The following SUGCT variants were observed in gnomAD, a reference collection of about 807,000 sequenced individuals.
SUGCT encodes succinyl-CoA:glutarate CoA-transferase.
Under a neutral mutation model 55.0 loss-of-function variants are expected in SUGCT, and 41 were observed. That is an observed-to-expected ratio of 0.74 (90% CI 0.58 to 0.97). The LOEUF (loss-of-function observed/expected upper bound fraction) is 0.97, where lower values mean the gene tolerates loss of function less well. SUGCT is among the 50% of genes least tolerant of loss of function. SUGCT has a pLI of 0.00. For missense variants in SUGCT, 568 were observed against 547.8 expected, an observed-to-expected ratio of 1.04 and a Z score of -0.37; for synonymous variants, 187 against 200.4, an observed-to-expected ratio of 0.93 and a Z score of 0.56.
chr7:40,181,473 C>T (rs1020940063), intron 2 of SUGCT, among the ~76,000 whole-genome samples: 10 of 152,160 alleles, frequency 6.6e-5, no homozygotes, highest in South Asian at 6.2e-4. Context: ...GGGCCAGGCG[C>T]GGTGGCTCAC....
intron 12 of SUGCT, among the ~76,000 whole-genome samples, chr7:40,623,469 A>C (rs1432674507): frequency 1.3e-5 from 2 of 152,128 alleles, no homozygotes; most frequent in Non-Finnish European, 2.9e-5. Flanking sequence ...TGTATTCTAC[A>C]AGTACAATTT....
At chr7:40,392,023 C>G (rs1013924807) in intron 9 of SUGCT, among the ~76,000 whole-genome samples, 1 of 152,128 alleles carries the variant, frequency 6.6e-6, no homozygotes, top group Admixed American at 6.5e-5. Flanking sequence ...TCTGAGCAAA[C>G]TATTGCAAGG....
chr7:40,429,695 C>A (rs934656418), intron 9 of SUGCT, among the ~76,000 whole-genome samples: 1 of 152,186 alleles, frequency 6.6e-6, no homozygotes, highest in African/African-American at 2.4e-5. Context: ...ATGGTGCACA[C>A]CCAGATTGAG....
At chr7:40,445,880 C>G (rs879508373) in intron 9 of SUGCT, among the ~76,000 whole-genome samples, 1 of 152,088 alleles carries the variant, frequency 6.6e-6, no homozygotes, top group Non-Finnish European at 1.5e-5. Context: ...ATTTGATAAT[C>G]TTTAGGCTGA....
chr7:40,315,550 A>C (rs1163362182), intron 8 of SUGCT, among the ~76,000 whole-genome samples: 5 of 152,250 alleles, frequency 3.3e-5, no homozygotes, highest in Admixed American at 3.3e-4. Flanking sequence ...TTTAAGTCCC[A>C]AGAATAAAGT....
At chr7:40,970,904 T>C in the SUGCT span, among the ~76,000 whole-genome samples, 1 of 152,138 alleles carries the variant, frequency 6.6e-6, no homozygotes, top group East Asian at 1.9e-4. Context: ...TGTAGGTATT[T>C]GGGAGACACT....
At chr7:40,843,249 C>T (rs941352448) in intron 13 of SUGCT, among the ~76,000 whole-genome samples, 20 of 152,058 alleles carry the variant, frequency 1.3e-4, no homozygotes, top group African/African-American at 3.6e-4. Flanking sequence ...TGGTGGCTCA[C>T]GCCTGTAATC....
intron 11 of SUGCT, among the ~76,000 whole-genome samples, chr7:40,473,631 G>T (rs2151475044): frequency 6.6e-6 from 1 of 151,952 alleles, no homozygotes; most frequent in South Asian, 2.1e-4. Flanking sequence ...AATGCACTAG[G>T]AGGAGCAGAA....
At chr7:40,364,747 C>T (rs1486012269) in intron 9 of SUGCT, among the ~76,000 whole-genome samples, 1 of 151,972 alleles carries the variant, frequency 6.6e-6, no homozygotes, top group African/African-American at 2.4e-5. Flanking sequence ...CAATAACAGG[C>T]TCTGAAATTG....
At chr7:40,466,792 T>C (rs971560815) in intron 11 of SUGCT, among the ~76,000 whole-genome samples, 1 of 152,158 alleles carries the variant, frequency 6.6e-6, no homozygotes, top group Non-Finnish European at 1.5e-5. Flanking sequence ...TGTATCGTGG[T>C]CATACAATAT....
chr7:40,641,213 C>T (rs1166172505), intron 12 of SUGCT, among the ~76,000 whole-genome samples: 1 of 152,146 alleles, frequency 6.6e-6, no homozygotes, highest in East Asian at 1.9e-4. Context: ...AAGGATAAGA[C>T]ATTTGGCTTG....
chr7:40,300,736 C>T (rs1444232961), intron 8 of SUGCT, among the ~76,000 whole-genome samples: 2 of 152,208 alleles, frequency 1.3e-5, no homozygotes, highest in Non-Finnish European at 2.9e-5. Context: ...TCTTAAAAGC[C>T]ATCCAGTTTG....
intron 7 of SUGCT, among the ~76,000 whole-genome samples, chr7:40,268,295 T>C (rs943113525): frequency 1.3e-4 from 20 of 152,190 alleles, no homozygotes; most frequent in African/African-American, 4.3e-4. Flanking sequence ...TAATCTACCT[T>C]CTGTCTCTAT....
intron 12 of SUGCT, among the ~76,000 whole-genome samples, chr7:40,726,613 CAATA>C (rs1010604921): frequency 2.8e-4 from 43 of 152,204 alleles, no homozygotes; most frequent in African/African-American, 7.9e-4. Flanking sequence ...TTATAAAGGC[CAATA>C]TCTTATATTT....
intron 1 of SUGCT, among the ~76,000 whole-genome samples, chr7:40,164,279 C>T (rs1291508479): frequency 6.6e-6 from 1 of 152,252 alleles, no homozygotes; most frequent in East Asian, 1.9e-4. Context: ...AGGCACCTTC[C>T]ACCATGCCCA....
At chr7:41,012,678 C>T in the SUGCT span, among the ~76,000 whole-genome samples, 1 of 152,054 alleles carries the variant, frequency 6.6e-6, no homozygotes, top group Non-Finnish European at 1.5e-5. Flanking sequence ...TCTCTCTAGA[C>T]AGTGCTGCCC....
At chr7:40,324,290 C>T (rs1279101159) in intron 9 of SUGCT, among the ~76,000 whole-genome samples, 1 of 100,498 alleles carries the variant, frequency 1.0e-5, no homozygotes, top group Non-Finnish European at 2.1e-5. Flanking sequence ...GAGTCTTGCT[C>T]TGTTGCCCAG....
In SUGCT at chr7:40,636,958, T is replaced by C. The variant is rs146024522; in HGVS notation, c.1090-112476T>C. ...ATTTCACAAAGGCAGAAGGAAATAT[T>C]ACTAGTGAAAGGAGTGGTGACTTTT... On this transcript the variant is annotated intron_variant, in intron 12 of 13. Coordinates refer to ENST00000335693, the MANE Select transcript of SUGCT (RefSeq NM_001193313.2). Among the ~76,000 whole-genome samples the C allele has an allele frequency of 3.3e-3, 495 of 152,252 alleles. 3 individuals are homozygous for C. Among genetic ancestry groups the C allele is most frequent in the African/African-American group, 0.011 (471 of 41,540 alleles).
At chr7:40,689,329 T>C (rs1300700328) in intron 12 of SUGCT, among the ~76,000 whole-genome samples, 1 of 152,178 alleles carries the variant, frequency 6.6e-6, no homozygotes, top group East Asian at 1.9e-4. Context: ...AATAAAAATA[T>C]CACAAAGGCA....
Sources: allele counts gnomAD v4.1 joint callset (sites outside exome capture counted in the v4.1 genomes callset), GRCh38; gene constraint gnomAD v4.1.1; transcripts MANE v1.5; gene names NCBI Gene and HGNC (gene_info 2026-07-23, HGNC 2026-07-21).